AFDN: variants seen among roughly 807,000 people sequenced by gnomAD.
AFDN encodes the protein afadin.
Under a neutral mutation model 216.6 loss-of-function variants are expected in AFDN, and 68 were observed. The observed-to-expected ratio is 0.31, with a 90% CI of 0.26 to 0.38. AFDN has a LOEUF of 0.38. Ranked by LOEUF, AFDN falls within the 10% of genes least tolerant of loss-of-function variation. The pLI is 1.00. For synonymous variants in AFDN, 868 were observed against 853.7 expected (o/e 1.02, Z -0.29); for missense variants, 2,136 against 2,342.0 (o/e 0.91, Z 1.82).
chr6:167,872,476 A>T (rs1399960547), intron 4 of AFDN, 99 bp downstream of exon 4: 2 of 1,305,016 alleles, frequency 1.5e-6, no homozygotes, highest in South Asian at 1.4e-5. Flanking sequence ...TATGGAAAGG[A>T]TGAGTATCAG....
At chr6:167,864,936 G>T in intron 2 of AFDN, 190 bp downstream of exon 2, 1 of 762,062 alleles carries the variant, frequency 1.3e-6, no homozygotes, top group Non-Finnish European at 2.4e-6. Context: ...TAAATCCCTG[G>T]CACATATATC....
intron 23 of AFDN, among the ~76,000 whole-genome samples, chr6:167,931,163 T>G (rs1583453551): frequency 6.6e-6 from 1 of 152,160 alleles, no homozygotes; most frequent in South Asian, 2.1e-4. Context: ...TGAATGGCAG[T>G]TTTTGGATTG....
chr6:167,880,560 T>G (rs1411987090), intron 6 of AFDN, 43 bp downstream of exon 6: 1 of 1,573,658 alleles, frequency 6.4e-7, no homozygotes, highest in Non-Finnish European at 8.7e-7. Context: ...TACTTCACAT[T>G]TAAATGGTAG....
intron 21 of AFDN, 80 bp downstream of exon 21, chr6:167,919,013 T>TAGTC (rs1791456608): frequency 7.9e-6 from 10 of 1,269,198 alleles, no homozygotes; most frequent in Non-Finnish European, 1.1e-5. Context: ...TCTCATAGGG[T>TAGTC]AGTCCACTTG....
chr6:167,907,791 T>C (rs1789892150), intron 13 of AFDN, among the ~76,000 whole-genome samples: 1 of 152,210 alleles, frequency 6.6e-6, no homozygotes, highest in African/African-American at 2.4e-5. Context: ...TTTTTTTTTT[T>C]TTCTGACATT....
chr6:167,911,294 ATT>A lies in AFDN; in HGVS notation c.1846_1847del (p.Leu616ValfsTer8). ...GAAATCTTTCCACAGCTGAAGATTC[ATT>A]TTTGTCTGCCATTATAAATTATACT... is the stretch of plus-strand genomic sequence containing the variant. Reference protein sequence around the residue: ...IEFRESSEDSFLSAIINYTNS... With the variant: ...IEFRESSEDSXLSAIINYTNS... On this transcript the variant is annotated frameshift_variant, in exon 15 of 34. Coordinates refer to ENST00000683244, the MANE Select transcript of AFDN (RefSeq NM_001386888.1). LOFTEE classifies it high-confidence loss of function. The A allele has an allele frequency of 6.2e-7, 1 of 1,613,428 alleles. No homozygotes were observed. The highest frequency in any genetic ancestry group is 8.5e-7 in the Non-Finnish European group (1 of 1,179,652).
chr6:167,844,948 C>G (rs889161528), intron 1 of AFDN, among the ~76,000 whole-genome samples: 1 of 150,756 alleles, frequency 6.6e-6, no homozygotes, highest in Non-Finnish European at 1.5e-5. Flanking sequence ...TAGCCTCGAC[C>G]TCCCAGGCTC....
intron 12 of AFDN, among the ~76,000 whole-genome samples, chr6:167,906,694 A>G (rs898021795): frequency 5.9e-5 from 9 of 152,172 alleles, no homozygotes; most frequent in African/African-American, 2.2e-4. Flanking sequence ...ATTAAGGGCA[A>G]GAAAGAAGCC....
At chr6:167,920,404 G>A (rs1791627601) in intron 21 of AFDN, among the ~76,000 whole-genome samples, 2 of 152,270 alleles carry the variant, frequency 1.3e-5, no homozygotes, top group East Asian at 1.9e-4. Flanking sequence ...GCAGGCACTC[G>A]GCCACCACGG....
At chr6:167,945,272 A>G (rs1795131830) in intron 26 of AFDN, among the ~76,000 whole-genome samples, 1 of 151,844 alleles carries the variant, frequency 6.6e-6, no homozygotes, top group South Asian at 2.1e-4. Context: ...ACTGTCTTCC[A>G]CCTCCACATC....
At chr6:167,954,611 A>AG in intron 30 of AFDN, 5 of 698,914 alleles carry the variant, frequency 7.2e-6, no homozygotes, top group Non-Finnish European at 1.1e-5. Context: ...GTCCTCCATC[A>AG]GGAGATGGAG....
chr6:167,851,833 T>C (rs778310950), intron 1 of AFDN, among the ~76,000 whole-genome samples: 1 of 152,234 alleles, frequency 6.6e-6, no homozygotes, highest in Non-Finnish European at 1.5e-5. Flanking sequence ...AATAATTCAT[T>C]ATCCATTTTC....
chr6:167,851,558 CAT>C (rs1263021631), intron 1 of AFDN, among the ~76,000 whole-genome samples: 3 of 152,174 alleles, frequency 2.0e-5, no homozygotes, highest in Non-Finnish European at 4.4e-5. Context: ...TCAAGTGCCT[CAT>C]ATGTGGCAGG....
At chr6:167,829,846 G>A (rs372744861) in intron 1 of AFDN, among the ~76,000 whole-genome samples, 8 of 152,100 alleles carry the variant, frequency 5.3e-5, no homozygotes, top group African/African-American at 1.9e-4. Flanking sequence ...CTTTTTTTAA[G>A]AAAACTAGAG....
rs1784859222 is a variant in AFDN at position 167,872,101 on chromosome 6, C to G, written c.415-113C>G. On this transcript the variant is annotated intron_variant, in intron 3 of 33. Transcript: ENST00000683244. ...CATTACTCCAGACCTTCCTGTGTTT[C>G]AGTAGCTTTGTTCACATGTTCGGCA... is the stretch of plus-strand genomic sequence containing the variant. The G allele has an allele frequency of 5.1e-6, 5 of 974,204 alleles. No homozygotes were observed. In the Admixed American group the frequency reaches 1.2e-4, roughly 23 times the overall value. The allele number at this position is 974,204 out of a possible 1,614,324, so 60.3% of individuals were successfully genotyped here. A position where few individuals can be genotyped will look rare whatever the true frequency, so the allele number is the denominator to read the frequency against.
At chr6:167,831,935 T>C (rs1779873976) in intron 1 of AFDN, among the ~76,000 whole-genome samples, 1 of 152,226 alleles carries the variant, frequency 6.6e-6, no homozygotes, top group African/African-American at 2.4e-5. Context: ...TATTTTGATA[T>C]AAACATGTTT....
intron 4 of AFDN, among the ~76,000 whole-genome samples, chr6:167,873,974 C>T (rs1785061565): frequency 6.6e-6 from 1 of 152,084 alleles, no homozygotes. Context: ...GACAGTGATG[C>T]CTATGTAATC....
chr6:167,924,386 G>C (rs73032798), intron 22 of AFDN, among the ~76,000 whole-genome samples: 1 of 152,132 alleles, frequency 6.6e-6, no homozygotes. Context: ...AGTCTGTCAG[G>C]AGCTGTCTTG....
intron 5 of AFDN, among the ~76,000 whole-genome samples, chr6:167,877,660 T>G (rs1337763469): frequency 2.0e-5 from 3 of 152,224 alleles, no homozygotes; most frequent in Non-Finnish European, 2.9e-5. Flanking sequence ...ATTTGTTAGT[T>G]TTAACAAATA....
Sources: allele counts gnomAD v4.1 joint callset (sites outside exome capture counted in the v4.1 genomes callset), GRCh38; gene constraint gnomAD v4.1.1; transcripts MANE v1.5; gene names NCBI Gene and HGNC (gene_info 2026-07-23, HGNC 2026-07-21).